Variants in DIP2B observed in about 807,000 individuals in gnomAD.
The protein encoded by DIP2B is DIP2 acetate--CoA ligase B (putative).
A neutral mutation model predicts 198.0 loss-of-function variants in DIP2B; 76 were observed. The ratio of observed to expected loss-of-function variants is 0.38; its 90% confidence interval spans 0.32 to 0.46. The LOEUF (loss-of-function observed/expected upper bound fraction) is 0.46. Ranked by LOEUF, DIP2B falls within the 20% of genes least tolerant of loss-of-function variation. DIP2B has a pLI of 0.99. For missense variants in DIP2B, 1,559 were observed against 1,978.4 expected (o/e 0.79, Z 4.02); for synonymous variants, 701 against 739.1 (o/e 0.95, Z 0.84).
At chr12:50,691,460 G>T (rs1939220910) in intron 13 of DIP2B, among the ~76,000 whole-genome samples, 1 of 152,088 alleles carries the variant, frequency 6.6e-6, no homozygotes, top group South Asian at 2.1e-4. Flanking sequence ...TGTATAGTGG[G>T]CTACCAGCTA....
At chr12:50,560,512 G>A (rs995131439) in intron 1 of DIP2B, among the ~76,000 whole-genome samples, 7 of 152,062 alleles carry the variant, frequency 4.6e-5, no homozygotes, top group Non-Finnish European at 8.8e-5. Context: ...AGGTTACAGT[G>A]AGCTGAATTC....
At chr12:50,520,417 G>C (rs1593575072) in intron 1 of DIP2B, among the ~76,000 whole-genome samples, 1 of 152,280 alleles carries the variant, frequency 6.6e-6, no homozygotes, top group East Asian at 1.9e-4. Flanking sequence ...GTAAATCTGT[G>C]ACAAAGGCAA....
chr12:50,649,141 G>A (rs1044510568), intron 3 of DIP2B, among the ~76,000 whole-genome samples: 1 of 152,106 alleles, frequency 6.6e-6, no homozygotes, highest in Non-Finnish European at 1.5e-5. Flanking sequence ...TGTTCTTAGG[G>A]CAGTTTAACA....
chr12:50,670,005 A>G (rs1447893924), intron 4 of DIP2B, among the ~76,000 whole-genome samples: 1 of 152,200 alleles, frequency 6.6e-6, no homozygotes, highest in Non-Finnish European at 1.5e-5. Context: ...TCATTTAGAA[A>G]GGTTTATCTC....
intron 1 of DIP2B, among the ~76,000 whole-genome samples, chr12:50,579,467 C>T (rs1369072310): frequency 6.6e-6 from 1 of 150,442 alleles, no homozygotes; most frequent in Non-Finnish European, 1.5e-5. Context: ...ACAAAATTAG[C>T]CAGGTGTGGT....
chr12:50,648,664 C>CTTTTTT (rs1565858036), intron 3 of DIP2B, among the ~76,000 whole-genome samples: 1 of 140,500 alleles, frequency 7.1e-6, no homozygotes, highest in Non-Finnish European at 1.5e-5. Context: ...CGCCCAGCCC[C>CTTTTTT]CTTTTTTTTT....
intron 11 of DIP2B, among the ~76,000 whole-genome samples, chr12:50,686,335 G>A (rs774617000): frequency 6.6e-6 from 1 of 152,116 alleles, no homozygotes; most frequent in African/African-American, 2.4e-5. Context: ...ACTGCCAAAC[G>A]GACCTCCCAG....
intron 1 of DIP2B, among the ~76,000 whole-genome samples, chr12:50,524,795 A>G (rs372544193): frequency 9.9e-5 from 15 of 152,164 alleles, no homozygotes; most frequent in African/African-American, 3.4e-4. Context: ...TGGTGTGATC[A>G]TGGCTCAACT....
intron 3 of DIP2B, among the ~76,000 whole-genome samples, chr12:50,654,501 C>T (rs1296889642): frequency 2.0e-5 from 3 of 151,876 alleles, no homozygotes; most frequent in Non-Finnish European, 4.4e-5. Flanking sequence ...CCTACAGGCA[C>T]ATGCCACCAC....
rs556544726 is a variant in DIP2B at position 50,728,206 on chromosome 12, C to T, written c.3511-342C>T. 5.9e-5 allele frequency among the ~76,000 whole-genome samples: 9 copies of T among 152,178 alleles called. No homozygotes were observed. The South Asian group carries it at 1.9e-3, about 32-fold the overall frequency. ...GACCAGCCTGAACAACATGGAAAAC[C>T]CCGTCTCTACTAAAAATAGAAAATC... On this transcript the variant is annotated intron_variant, in intron 29 of 37. Coordinates refer to ENST00000301180, the MANE Select transcript of DIP2B (RefSeq NM_173602.3).
chr12:50,677,302 G>A (rs996247789), intron 7 of DIP2B, among the ~76,000 whole-genome samples: 17 of 152,196 alleles, frequency 1.1e-4, no homozygotes, highest in African/African-American at 4.1e-4. Flanking sequence ...TTTGTTCCAC[G>A]TGTAAATTAT....
At chr12:50,672,660 G>T (rs1036802743) in intron 5 of DIP2B, among the ~76,000 whole-genome samples, 5 of 152,120 alleles carry the variant, frequency 3.3e-5, no homozygotes, top group African/African-American at 9.7e-5. Flanking sequence ...GATGTTTGTT[G>T]TAACAGGAGT....
intron 25 of DIP2B, 69 bp from the exon 26 acceptor site, chr12:50,721,204 T>C (rs1483531074): frequency 1.9e-6 from 3 of 1,557,654 alleles, no homozygotes; most frequent in African/African-American, 1.4e-5. Flanking sequence ...TGATGTTGAA[T>C]TGGCTGTGCT....
chr12:50,532,239 G>T (rs1958224884), intron 1 of DIP2B, among the ~76,000 whole-genome samples: 1 of 152,198 alleles, frequency 6.6e-6, no homozygotes, highest in Non-Finnish European at 1.5e-5. Flanking sequence ...TGTTGGCCGG[G>T]TGCGGTGGCT....
chr12:50,629,640 T>A (rs1240976510), intron 2 of DIP2B, among the ~76,000 whole-genome samples: 2 of 152,128 alleles, frequency 1.3e-5, no homozygotes, highest in African/African-American at 4.8e-5. Flanking sequence ...ACTTAACATC[T>A]CCACTTATAT....
rs1231174555 is a variant in DIP2B, at chr12:50,731,451, C to T, written c.3724C>T (p.Gln1242Ter). ...NLFLWLSTVN[Q>*]YKIRDTFCSY... The stretch of plus-strand genomic sequence containing the variant: ...TTTCCTCTGGCTCTCCACAGTCAAC[C>T]AGTACAAAATAAGGGACACTTTCTG... The change falls in exon 31 of 38, where the codon CAG becomes TAG. Residue 1242 changes from glutamine (Q) to a stop codon, truncating the protein, a stop_gained. Transcript: ENST00000301180. LOFTEE classifies it high-confidence loss of function. The T allele has an allele frequency of 1.2e-6, 2 of 1,614,168 alleles. No individual in the cohort carries two copies. Among genetic ancestry groups the T allele is most frequent in the South Asian group, 1.1e-5 (1 of 91,082 alleles).
At chr12:50,535,919 T>G (rs1171999617) in intron 1 of DIP2B, among the ~76,000 whole-genome samples, 3 of 141,968 alleles carry the variant, frequency 2.1e-5, no homozygotes, top group African/African-American at 7.8e-5. Context: ...TCATTGTTCA[T>G]TTCCCACCTA....
intron 1 of DIP2B, among the ~76,000 whole-genome samples, chr12:50,611,129 C>T (rs941708547): frequency 1.1e-4 from 16 of 152,102 alleles, no homozygotes; most frequent in Non-Finnish European, 5.9e-5. Context: ...ATAATAGACA[C>T]ACAAATTAAA....
chr12:50,571,464 C>T (rs761798090), intron 1 of DIP2B, among the ~76,000 whole-genome samples: 10 of 151,956 alleles, frequency 6.6e-5, no homozygotes, highest in Non-Finnish European at 1.5e-4. Context: ...TGAGCCACCA[C>T]ACCCCGCCTA....
Sources: allele counts gnomAD v4.1 joint callset (sites outside exome capture counted in the v4.1 genomes callset), GRCh38; gene constraint gnomAD v4.1.1; transcripts MANE v1.5; gene names NCBI Gene and HGNC (gene_info 2026-07-23, HGNC 2026-07-21).